The following TNFRSF21 variants were observed in gnomAD, a reference collection of about 807,000 sequenced individuals.
TNFRSF21 encodes the protein tumor necrosis factor receptor superfamily member 21.
Under a neutral mutation model 45.6 loss-of-function variants are expected in TNFRSF21, and 19 were observed. The observed-to-expected ratio is 0.42, with a 90% confidence interval of 0.29 to 0.61. The LOEUF is 0.61. TNFRSF21 is among the 20% of genes least tolerant of loss of function. The pLI is 0.23. For synonymous variants in TNFRSF21, 314 were observed against 335.5 expected, an observed-to-expected ratio of 0.94 and a Z score of 0.70; for missense variants, 737 against 851.5, an observed-to-expected ratio of 0.87 and a Z score of 1.67.
intron 4 of TNFRSF21, among the ~76,000 whole-genome samples, chr6:47,235,803 G>C (rs1239698825): frequency 6.6e-6 from 1 of 152,194 alleles, no homozygotes; most frequent in Admixed American, 6.5e-5. Flanking sequence ...GCTAGGAGGA[G>C]AGTAATGACC....
intron 1 of TNFRSF21, 38 bp from the exon 2 acceptor site, chr6:47,286,633 C>G (rs1762654073): frequency 1.3e-6 from 2 of 1,561,642 alleles, no homozygotes; most frequent in Non-Finnish European, 1.7e-6. Flanking sequence ...GAACAAAAAC[C>G]AAGAAGATGT....
chr6:47,265,897 C>T (rs1762327248), intron 3 of TNFRSF21, among the ~76,000 whole-genome samples: 3 of 152,188 alleles, frequency 2.0e-5, no homozygotes, highest in Non-Finnish European at 4.4e-5. Flanking sequence ...TAACATATCA[C>T]TCCTAACACA....
At position 47,284,284 on chromosome 6, in the gene TNFRSF21, G is replaced by A; in HGVS notation, c.897C>T (p.Asn299=). 6.2e-7 allele frequency: 1 copy of A among 1,611,256 alleles called. No individual in the cohort carries two copies. The highest frequency in any genetic ancestry group is 1.3e-5 in the African/African-American group (1 of 75,006). ...GTCTGTGGTGGGGGCCTTGCTGGTG[G>A]TTGACTACCTGAAGGTTTGGGAGGG... is the stretch of plus-strand genomic sequence containing the variant. ...NKTLPNLQVV[N]HQQGPHHRHI... Residue 299 remains asparagine (N), a synonymous_variant, in exon 3 of 6, where the codon AAC becomes AAT. Coordinates refer to ENST00000296861, the MANE Select transcript of TNFRSF21 (RefSeq NM_014452.5).
At chr6:47,276,494 G>A (rs1449049363) in intron 3 of TNFRSF21, among the ~76,000 whole-genome samples, 1 of 152,208 alleles carries the variant, frequency 6.6e-6, no homozygotes, top group Non-Finnish European at 1.5e-5. Flanking sequence ...CCAGCAGAAG[G>A]TGAAAGAGAA....
chr6:47,239,933 A>G (rs1403172357), intron 4 of TNFRSF21, among the ~76,000 whole-genome samples: 6 of 152,036 alleles, frequency 3.9e-5, no homozygotes, highest in Non-Finnish European at 8.8e-5. Context: ...AAAGTTTACC[A>G]CAAAGTTATT....
intron 3 of TNFRSF21, among the ~76,000 whole-genome samples, chr6:47,266,624 T>G (rs954568363): frequency 6.6e-6 from 1 of 152,340 alleles, no homozygotes. Flanking sequence ...AAAGTTATGC[T>G]AATAAGAGGT....
chr6:47,244,006 G>C (rs1451345812), intron 4 of TNFRSF21, among the ~76,000 whole-genome samples: 1 of 152,186 alleles, frequency 6.6e-6, no homozygotes, highest in Non-Finnish European at 1.5e-5. Flanking sequence ...GCCAGCCTGA[G>C]AGGTTAAAAA....
intron 4 of TNFRSF21, among the ~76,000 whole-genome samples, chr6:47,248,616 C>T (rs989628647): frequency 2.6e-5 from 4 of 152,198 alleles, no homozygotes; most frequent in Admixed American, 1.3e-4. Context: ...TTCCAGCCAG[C>T]CTAGGAACAT....
chr6:47,302,075 A>G (rs962735975), intron 1 of TNFRSF21, among the ~76,000 whole-genome samples: 1 of 152,194 alleles, frequency 6.6e-6, no homozygotes, highest in Non-Finnish European at 1.5e-5. Context: ...GTTTTCCAGG[A>G]CAAATGATTA....
intron 3 of TNFRSF21, among the ~76,000 whole-genome samples, chr6:47,261,573 AC>A (rs1765074573): frequency 6.6e-6 from 1 of 152,184 alleles, no homozygotes; most frequent in Non-Finnish European, 1.5e-5. Flanking sequence ...AGAAAGGACA[AC>A]AGTTCTATGG....
At chr6:47,277,416 T>C (rs1206252828) in intron 3 of TNFRSF21, among the ~76,000 whole-genome samples, 1 of 152,226 alleles carries the variant, frequency 6.6e-6, no homozygotes, top group Non-Finnish European at 1.5e-5. Flanking sequence ...GTGAGGATGA[T>C]GATGATCCAT....
In TNFRSF21 at chr6:47,262,414, G is replaced by A. The variant is rs534645722; in HGVS notation, c.1244-8893C>T. 2.0e-5 allele frequency among the ~76,000 whole-genome samples: 3 copies of A among 152,300 alleles called. No homozygotes were observed. In the South Asian group the frequency reaches 6.2e-4, roughly 32 times the overall value. On this transcript the variant is annotated intron_variant, in intron 3 of 5. Coordinates refer to ENST00000296861, the MANE Select transcript of TNFRSF21 (RefSeq NM_014452.5). The stretch of plus-strand genomic sequence containing the variant: ...TTCATTCAACAAAAATTTACTGAGC[G>A]TCTACTTTGTGCCAGACACTTTTCT...
chr6:47,298,994 T>C (rs1217393940), intron 1 of TNFRSF21, among the ~76,000 whole-genome samples: 4 of 152,178 alleles, frequency 2.6e-5, no homozygotes, highest in Non-Finnish European at 4.4e-5. Flanking sequence ...TTGCAGAACA[T>C]ACTAATGTAG....
At chr6:47,286,636 G>A in intron 1 of TNFRSF21, 41 bp from the exon 2 acceptor site, 1 of 1,559,220 alleles carries the variant, frequency 6.4e-7, no homozygotes, top group Middle Eastern at 1.7e-4. Context: ...CAAAAACCAA[G>A]AAGATGTTAC....
chr6:47,249,273 G>A (rs890466577), intron 4 of TNFRSF21, among the ~76,000 whole-genome samples: 2 of 152,148 alleles, frequency 1.3e-5, no homozygotes, highest in Admixed American at 1.3e-4. Flanking sequence ...ATAATACTGT[G>A]CACAAAATGT....
At chr6:47,290,756 C>T (rs1762712568) in intron 1 of TNFRSF21, among the ~76,000 whole-genome samples, 1 of 152,206 alleles carries the variant, frequency 6.6e-6, no homozygotes, top group Admixed American at 6.5e-5. Context: ...AATGATCCCT[C>T]CACAGTCGGG....
chr6:47,276,245 A>G (rs1235913665), intron 3 of TNFRSF21, among the ~76,000 whole-genome samples: 1 of 152,176 alleles, frequency 6.6e-6, no homozygotes, highest in Non-Finnish European at 1.5e-5. Flanking sequence ...CATAAGATGG[A>G]GTCTCCTGGT....
chr6:47,237,034 G>A (rs1764673214), intron 4 of TNFRSF21, among the ~76,000 whole-genome samples: 1 of 152,070 alleles, frequency 6.6e-6, no homozygotes, highest in Non-Finnish European at 1.5e-5. Flanking sequence ...CATGATTTCC[G>A]ACATAATTGG....
rs1413516015 is a variant in TNFRSF21 at position 47,286,422 on chromosome 6, A to G, written c.270T>C (p.Ser90=). Residue 90 remains serine (S), a synonymous_variant, in exon 2 of 6, where the codon AGT becomes AGC. Coordinates refer to ENST00000296861, the MANE Select transcript of TNFRSF21 (RefSeq NM_014452.5). ...CTNTSLRVCS[S]CPVGTFTRHE... ...GCCTGGTAAAGGTCCCCACAGGGCA[A>G]CTGCTGCAGACGCGCAGGCTTGTGT... The G allele has an allele frequency of 1.9e-6, 3 of 1,614,226 alleles. No individual in the cohort carries two copies. The highest frequency in any genetic ancestry group is 2.5e-6 in the Non-Finnish European group (3 of 1,180,046).
Sources: allele counts gnomAD v4.1 joint callset (sites outside exome capture counted in the v4.1 genomes callset), GRCh38; gene constraint gnomAD v4.1.1; transcripts MANE v1.5; gene names NCBI Gene and HGNC (gene_info 2026-07-23, HGNC 2026-07-21).